Variants in RYR3 observed in about 807,000 individuals in gnomAD.
RYR3 encodes the protein ryanodine receptor 3.
Under a neutral mutation model 584.3 loss-of-function variants are expected in RYR3, and 207 were observed. The observed-to-expected ratio is 0.35, with a 90% confidence interval of 0.32 to 0.40. The LOEUF (loss-of-function observed/expected upper bound fraction) is 0.40. Ranked by LOEUF, RYR3 falls within the 10% of genes least tolerant of loss-of-function variation. The pLI is 1.00. For missense variants in RYR3, 5,616 were observed against 6,089.2 expected (o/e 0.92, Z 2.59); for synonymous variants, 2,416 against 2,248.5 (o/e 1.07, Z -2.11).
At chr15:33,614,021 G>A (rs1385913549) in intron 19 of RYR3, among the ~76,000 whole-genome samples, 2 of 152,116 alleles carry the variant, frequency 1.3e-5, no homozygotes, top group African/African-American at 4.8e-5. Flanking sequence ...TTATAATTAT[G>A]TGGCCAAATT....
chr15:33,730,677 C>T lies in RYR3; in HGVS notation c.7204-797C>T, dbSNP rs142380170. ...TCTCTGTGGATCTCAAGGTTTCTTT[C>T]GAAAGTTCTATAGTTTTCAAAGATG... On this transcript the variant is annotated intron_variant, in intron 47 of 103. Transcript: ENST00000634891. Among the ~76,000 whole-genome samples, 238 of 152,268 alleles carry T rather than the reference C, an allele frequency of 1.6e-3. 1 individual carries two copies. The highest frequency in any genetic ancestry group is 5.4e-3 in the African/African-American group (226 of 41,556).
chr15:33,844,821 T>A, intron 92 of RYR3, 41 bp from the exon 93 acceptor site: 1 of 1,572,154 alleles, frequency 6.4e-7, no homozygotes, highest in South Asian at 1.1e-5. Flanking sequence ...TGGCTGAGGT[T>A]CTTTTTGATG....
chr15:33,430,410 G>A (rs1413437126), intron 1 of RYR3, among the ~76,000 whole-genome samples: 1 of 152,194 alleles, frequency 6.6e-6, no homozygotes, highest in Non-Finnish European at 1.5e-5. Flanking sequence ...CAGATCCATA[G>A]ACGAATTTGA....
intron 27 of RYR3, among the ~76,000 whole-genome samples, chr15:33,643,864 C>T (rs1255277707): frequency 6.6e-6 from 1 of 152,096 alleles, no homozygotes; most frequent in Non-Finnish European, 1.5e-5. Flanking sequence ...CATAGTTACC[C>T]ATCTTTTTGT....
intron 1 of RYR3, among the ~76,000 whole-genome samples, chr15:33,421,285 T>C (rs1244141750): frequency 6.6e-6 from 1 of 152,214 alleles, no homozygotes; most frequent in Non-Finnish European, 1.5e-5. Context: ...AAGGGAGTTA[T>C]CTAATTAGAG....
intron 2 of RYR3, among the ~76,000 whole-genome samples, chr15:33,494,442 G>A (rs2051242189): frequency 1.3e-5 from 2 of 152,148 alleles, no homozygotes; most frequent in Non-Finnish European, 2.9e-5. Flanking sequence ...ATGGCTGCAA[G>A]TGCTTCTGCT....
At chr15:33,591,952 G>A (rs368984211) in intron 16 of RYR3, among the ~76,000 whole-genome samples, 1 of 152,208 alleles carries the variant, frequency 6.6e-6, no homozygotes, top group East Asian at 1.9e-4. Context: ...CAGCCAAACA[G>A]TGTTTCCGTA....
chr15:33,439,301 C>G (rs2596233), intron 1 of RYR3, among the ~76,000 whole-genome samples: 1 of 152,004 alleles, frequency 6.6e-6, no homozygotes, highest in Non-Finnish European at 1.5e-5. Flanking sequence ...AGTACAATGT[C>G]GAATAGAACC....
At chr15:33,781,975 T>C (rs1055188470) in intron 65 of RYR3, among the ~76,000 whole-genome samples, 20 of 152,144 alleles carry the variant, frequency 1.3e-4, no homozygotes, top group African/African-American at 4.8e-4. Context: ...AGTTGAGAAG[T>C]GGCTGTGACA....
intron 23 of RYR3, 38 bp from the exon 24 acceptor site, chr15:33,632,911 G>T: frequency 6.4e-7 from 1 of 1,567,068 alleles, no homozygotes; most frequent in South Asian, 1.2e-5. Flanking sequence ...AACTCATGGA[G>T]ATCTGTTAAA....
chr15:33,427,999 C>T (rs1265352693), intron 1 of RYR3, among the ~76,000 whole-genome samples: 7 of 152,206 alleles, frequency 4.6e-5, no homozygotes, highest in Non-Finnish European at 7.3e-5. Flanking sequence ...TCTCTCTGAC[C>T]TGACCTCTTC....
rs1160542351 is a variant in RYR3 at position 33,825,620 on chromosome 15, C to T, written c.11090C>T (p.Ala3697Val). Residue 3697 changes from alanine (A) to valine (V), a missense_variant, in exon 82 of 104, where the codon GCA becomes GTA. Transcript: ENST00000634891. ...MQSCSVLDLN[A>V]FERQNKAEGL... ...ATTAAAAGTGTCCTTGATTTGAATG[C>T]ATTTGAGAGGCAGAATAAAGCTGAA... The T allele has an allele frequency of 2.5e-6, 4 of 1,610,080 alleles. No individual in the cohort carries two copies. Among genetic ancestry groups the T allele is most frequent in the Non-Finnish European group, 3.4e-6 (4 of 1,177,472 alleles).
At chr15:33,401,137 C>T (rs1261529825) in intron 1 of RYR3, among the ~76,000 whole-genome samples, 6 of 152,096 alleles carry the variant, frequency 3.9e-5, no homozygotes, top group Admixed American at 2.0e-4. Flanking sequence ...TGTTATTTAG[C>T]GGTCTCTTCT....
chr15:33,373,639 GTCCAGGATACATT>G (rs2040503207), intron 1 of RYR3, among the ~76,000 whole-genome samples: 1 of 151,998 alleles, frequency 6.6e-6, no homozygotes. Flanking sequence ...TGTTTGTTTT[GTCCAGGATACATT>G]TCCAGGAGAT....
In RYR3 at chr15:33,767,348, C is replaced by G. The variant is rs575821425; in HGVS notation, c.8706-1310C>G. On this transcript the variant is annotated intron_variant, in intron 60 of 103. Transcript: ENST00000634891. ...AAAAACCATGGGAAGAAAAAAAGAG[C>G]AGCCGATATTTAATTTCACCCTAGA... Among the ~76,000 whole-genome samples the G allele has an allele frequency of 3.3e-5, 5 of 152,188 alleles. No homozygotes were observed. In the South Asian group the frequency reaches 6.2e-4, roughly 19 times the overall value.
intron 38 of RYR3, among the ~76,000 whole-genome samples, chr15:33,674,760 G>A (rs1225982060): frequency 2.0e-5 from 3 of 147,164 alleles, no homozygotes; most frequent in Non-Finnish European, 4.5e-5. Flanking sequence ...TAGATGGATG[G>A]ATAAAATAAG....
rs984833704 is a variant in RYR3 at position 33,311,860 on chromosome 15, G to T, written c.51+764G>T. ...GCTGCTCCGTCCCAGATTTGGGGGT[G>T]AGGGGGCGAAGTCTGTTGCAGCCAC... On this transcript the variant is annotated intron_variant, in intron 1 of 103. Transcript: ENST00000634891. This position sits in a 1 kb window ranked among gnomAD's most constrained non-coding sequence, Gnocchi z 4.4. 6.6e-6 allele frequency among the ~76,000 whole-genome samples: 1 copy of T among 152,224 alleles called. No individual in the cohort carries two copies. The highest frequency in any genetic ancestry group is 2.4e-5 in the African/African-American group (1 of 41,466).
intron 55 of RYR3, among the ~76,000 whole-genome samples, chr15:33,749,251 G>T (rs1163152708): frequency 1.3e-5 from 2 of 152,260 alleles, no homozygotes; most frequent in Non-Finnish European, 2.9e-5. Context: ...TCCCACAGTG[G>T]GTTTGCTGGA....
At chr15:33,826,341 A>T in intron 83 of RYR3, 72 bp downstream of exon 83, 4 of 1,475,698 alleles carry the variant, frequency 2.7e-6, no homozygotes, top group Non-Finnish European at 3.8e-6. Context: ...TTGCCTCAGC[A>T]CAGAAACATT....
Sources: gnomAD v4.1 joint callset for allele counts (sites outside exome capture counted in the v4.1 genomes callset) on GRCh38, gnomAD v4.1.1 for gene constraint, Gnocchi (gnomAD v3.1) non-coding constraint, MANE v1.5 for transcripts, NCBI Gene and HGNC (gene_info 2026-07-23, HGNC 2026-07-21) for gene names.